MCC: variants seen among roughly 807,000 people sequenced by gnomAD.
MCC encodes the protein MCC regulator of Wnt signaling pathway, also known as colorectal mutant cancer protein.
Under a neutral mutation model 116.2 loss-of-function variants are expected in MCC, and 90 were observed. The ratio of observed to expected loss-of-function variants is 0.77; its 90% CI spans 0.65 to 0.92. The LOEUF (loss-of-function observed/expected upper bound fraction) is 0.92, where lower values mean the gene tolerates loss of function less well. Ranked by LOEUF, MCC falls within the 40% of genes least tolerant of loss-of-function variation. MCC has a pLI of 0.00. For missense variants in MCC, 1,516 were observed against 1,312.2 expected, an observed-to-expected ratio of 1.16 and a Z score of -2.40; for synonymous variants, 578 against 510.5, an observed-to-expected ratio of 1.13 and a Z score of -1.78.
intron 3 of MCC, among the ~76,000 whole-genome samples, chr5:113,235,790 A>T (rs1764106345): frequency 6.6e-6 from 1 of 152,218 alleles, no homozygotes; most frequent in Admixed American, 6.5e-5. Context: ...CCAGGAAACA[A>T]ATCATTTTGA....
At chr5:113,392,799 T>C (rs1193231587) in intron 1 of MCC, among the ~76,000 whole-genome samples, 3 of 152,146 alleles carry the variant, frequency 2.0e-5, no homozygotes, top group Non-Finnish European at 4.4e-5. Context: ...TATCTCCATA[T>C]ATAAGTGAGG....
intron 1 of MCC, among the ~76,000 whole-genome samples, chr5:113,417,114 C>G (rs560738354): frequency 6.6e-6 from 1 of 151,852 alleles, no homozygotes; most frequent in Non-Finnish European, 1.5e-5. Context: ...GGACTACAGA[C>G]GCATGCCACC....
At chr5:113,048,858 G>C (rs948702664) in intron 16 of MCC, 2 of 587,464 alleles carry the variant, frequency 3.4e-6, no homozygotes, top group African/African-American at 3.7e-5. Context: ...TGATGTGACT[G>C]TGATATGTGA....
intron 3 of MCC, among the ~76,000 whole-genome samples, chr5:113,339,847 A>C (rs988498295): frequency 1.3e-5 from 2 of 152,230 alleles, no homozygotes; most frequent in Non-Finnish European, 2.9e-5. Context: ...CAGTTTCAAA[A>C]AGCCAGGTAG....
chr5:113,061,330 G>T (rs995764939), intron 14 of MCC, among the ~76,000 whole-genome samples: 1 of 152,228 alleles, frequency 6.6e-6, no homozygotes, highest in Non-Finnish European at 1.5e-5. Context: ...TTTGTGGATT[G>T]AGATCGATGA....
chr5:113,136,447 T>C (rs567741492), intron 5 of MCC, among the ~76,000 whole-genome samples: 45 of 152,182 alleles, frequency 3.0e-4, no homozygotes, highest in African/African-American at 1.1e-3. Context: ...GTAGAATTAC[T>C]TGGTTGAGGA....
chr5:113,165,927 T>C (rs1760744012), intron 3 of MCC, among the ~76,000 whole-genome samples: 2 of 151,908 alleles, frequency 1.3e-5, no homozygotes, highest in African/African-American at 4.8e-5. Context: ...AAAACATACA[T>C]TCATTTGCAA....
chr5:113,093,755 T>C (rs1267578666), intron 8 of MCC, among the ~76,000 whole-genome samples: 3 of 152,052 alleles, frequency 2.0e-5, no homozygotes, highest in Non-Finnish European at 4.4e-5. Flanking sequence ...CATCTGTGAA[T>C]GTGGCTCACA....
intron 3 of MCC, among the ~76,000 whole-genome samples, chr5:113,311,420 A>G (rs1767131861): frequency 6.6e-6 from 1 of 152,226 alleles, no homozygotes; most frequent in East Asian, 1.9e-4. Context: ...CTTCTGGAGG[A>G]TAAGAGACAG....
chr5:113,209,344 A>G (rs571483564), intron 3 of MCC, among the ~76,000 whole-genome samples: 9 of 152,298 alleles, frequency 5.9e-5, no homozygotes, highest in Admixed American at 3.9e-4. Flanking sequence ...CAATTGTCAT[A>G]TATCAATGGC....
rs952661808 is a variant in MCC at position 113,028,927 on chromosome 5, T to C, written c.2879+7A>G. The C allele has an allele frequency of 3.1e-6, 5 of 1,611,768 alleles. No individual in the cohort carries two copies. The African/African-American group carries it at 6.7e-5, about 22-fold the overall frequency. ...GCGGTGGGGGCTGGGTATAGGGAGA[T>C]TTTTACCTGTTGGCCCGCTTTAGAT... is the stretch of plus-strand genomic sequence containing the variant. On this transcript the variant is annotated splice_region_variant and intron_variant, in intron 18 of 18. Coordinates refer to ENST00000408903, the MANE Select transcript of MCC (RefSeq NM_001085377.2).
chr5:113,399,368 C>T (rs1256603555), intron 1 of MCC, among the ~76,000 whole-genome samples: 1 of 152,020 alleles, frequency 6.6e-6, no homozygotes, highest in Non-Finnish European at 1.5e-5. Context: ...ACCTGTAGTC[C>T]CAGCTACTTG....
chr5:113,467,502 A>G (rs9688004), intron 1 of MCC, among the ~76,000 whole-genome samples: 109,275 of 151,862 alleles, frequency 0.72, 39,735 homozygotes, highest in East Asian at 0.86. Context: ...GTAGATATGC[A>G]GCATTATTTC....
At chr5:113,332,154 G>C (rs1237131362) in intron 3 of MCC, among the ~76,000 whole-genome samples, 1 of 151,386 alleles carries the variant, frequency 6.6e-6, no homozygotes, top group Non-Finnish European at 1.5e-5. Flanking sequence ...CCCAAATGTA[G>C]CCACTTGTAA....
chr5:113,135,952 C>A (rs536829073), intron 5 of MCC, among the ~76,000 whole-genome samples: 3 of 151,758 alleles, frequency 2.0e-5, no homozygotes, highest in African/African-American at 4.8e-5. Flanking sequence ...GGGGGAGGCA[C>A]GAGAATCACT....
chr5:113,045,838 C>T (rs1561749029), intron 16 of MCC, among the ~76,000 whole-genome samples: 3 of 150,904 alleles, frequency 2.0e-5, no homozygotes, highest in Non-Finnish European at 4.4e-5. Context: ...GCTACTAGAA[C>T]ACAGCCATGG....
intron 5 of MCC, among the ~76,000 whole-genome samples, chr5:113,128,921 C>T (rs1208471969): frequency 6.6e-6 from 1 of 152,084 alleles, no homozygotes; most frequent in Non-Finnish European, 1.5e-5. Flanking sequence ...GCATGTATAC[C>T]AAGATGTACG....
At chr5:113,061,377 C>T (rs1753205779) in intron 14 of MCC, among the ~76,000 whole-genome samples, 1 of 152,212 alleles carries the variant, frequency 6.6e-6, no homozygotes, top group East Asian at 1.9e-4. Context: ...GTGAGGCCTG[C>T]CACAGAGGGT....
chr5:113,077,929 A>AAG (rs370290542), intron 11 of MCC, among the ~76,000 whole-genome samples: 69,212 of 151,680 alleles, frequency 0.46, 17,367 homozygotes, highest in African/African-American at 0.69. Context: ...TAAAGAAGAA[A>AAG]AGAGATGAAT....
Sources: allele counts gnomAD v4.1 joint callset (sites outside exome capture counted in the v4.1 genomes callset), GRCh38; gene constraint gnomAD v4.1.1; transcripts MANE v1.5; gene names NCBI Gene and HGNC (gene_info 2026-07-23, HGNC 2026-07-21).